Variants in PLXDC2 observed in about 807,000 individuals in gnomAD.
PLXDC2 encodes plexin domain containing 2.
PLXDC2 carries 40 observed loss-of-function variants against 68.9 expected under a neutral mutation model. The ratio of observed to expected loss-of-function variants is 0.58; its 90% CI spans 0.45 to 0.76. The LOEUF (loss-of-function observed/expected upper bound fraction) is 0.76, where lower values mean the gene tolerates loss of function less well. Among genes scored for constraint, PLXDC2 ranks in the 30% least tolerant of loss-of-function variants. The pLI, the probability that PLXDC2 is intolerant of heterozygous loss-of-function variation, is 0.00. For synonymous variants in PLXDC2, 243 were observed against 234.2 expected, an observed-to-expected ratio of 1.04 and a Z score of -0.34; for missense variants, 644 against 661.9, an observed-to-expected ratio of 0.97 and a Z score of 0.30.
chr10:20,022,100 C>A (rs182603382), intron 2 of PLXDC2, among the ~76,000 whole-genome samples: 10 of 152,332 alleles, frequency 6.6e-5, no homozygotes, highest in African/African-American at 1.2e-4. Flanking sequence ...AGCAATGATA[C>A]CTCATTTACT....
At chr10:20,100,588 G>A (rs933781522) in intron 4 of PLXDC2, among the ~76,000 whole-genome samples, 1 of 152,144 alleles carries the variant, frequency 6.6e-6, no homozygotes, top group African/African-American at 2.4e-5. Context: ...TGTCATTCCT[G>A]TTGCCCTTCT....
At chr10:20,150,422 T>C (rs2358852) in intron 6 of PLXDC2, among the ~76,000 whole-genome samples, 139,595 of 152,218 alleles carry the variant, frequency 0.92, 64,124 homozygotes, top group Non-Finnish European at 0.95. Context: ...TTAGTTCAGC[T>C]ACTGGGGAAA....
chr10:19,975,435 G>T (rs1834436530), intron 1 of PLXDC2, among the ~76,000 whole-genome samples: 2 of 152,020 alleles, frequency 1.3e-5, no homozygotes, highest in African/African-American at 4.8e-5. Flanking sequence ...TCCAGCCTGG[G>T]AGACAGAGCG....
At chr10:20,088,472 A>G (rs11011789) in intron 4 of PLXDC2, among the ~76,000 whole-genome samples, 34,579 of 152,038 alleles carry the variant, frequency 0.23, 5,273 homozygotes, top group East Asian at 0.61. Context: ...TGTAAAGCCT[A>G]TTGTTAGTAC....
At chr10:19,933,896 GAGAA>G (rs1174017583) in intron 1 of PLXDC2, among the ~76,000 whole-genome samples, 7 of 151,312 alleles carry the variant, frequency 4.6e-5, no homozygotes, top group Admixed American at 3.3e-4. Context: ...AGGAAGGAAA[GAGAA>G]AGAAAGGAAA....
chr10:20,140,431 A>ATCTATCTATCTATCTG (rs1387833289), intron 4 of PLXDC2, among the ~76,000 whole-genome samples: 1 of 149,334 alleles, frequency 6.7e-6, no homozygotes, highest in African/African-American at 2.5e-5. Flanking sequence ...CTATCTATCT[A>ATCTATCTATCTATCTG]TCTATCTATC....
chr10:20,120,540 T>C (rs11011809), intron 4 of PLXDC2, among the ~76,000 whole-genome samples: 43,001 of 151,536 alleles, frequency 0.28, 6,153 homozygotes, highest in East Asian at 0.49. Context: ...TGAGGAATTA[T>C]GTCTGACAGA....
chr10:20,147,158 C>A (rs540682135), intron 5 of PLXDC2, among the ~76,000 whole-genome samples: 222 of 152,222 alleles, frequency 1.5e-3, no homozygotes, highest in Non-Finnish European at 2.4e-3. Flanking sequence ...TAATATACAG[C>A]ACTGAAGTTT....
chr10:20,125,474 G>T (rs754684119), intron 4 of PLXDC2, among the ~76,000 whole-genome samples: 2 of 152,076 alleles, frequency 1.3e-5, no homozygotes, highest in African/African-American at 4.8e-5. Flanking sequence ...CCATCACCTT[G>T]GCGGACCAGA....
intron 1 of PLXDC2, among the ~76,000 whole-genome samples, chr10:19,958,632 C>T (rs544773589): frequency 6.6e-6 from 1 of 152,200 alleles, no homozygotes; most frequent in African/African-American, 2.4e-5. Context: ...GAGGTTGTAA[C>T]GTAGTTCAGT....
At chr10:20,119,046 T>C (rs971162440) in intron 4 of PLXDC2, among the ~76,000 whole-genome samples, 4 of 151,900 alleles carry the variant, frequency 2.6e-5, no homozygotes, top group Admixed American at 1.3e-4. Context: ...TTTAGGAGTA[T>C]GTGTCAATAA....
chr10:20,264,928 C>A (rs1245116250), intron 13 of PLXDC2, among the ~76,000 whole-genome samples: 2 of 151,468 alleles, frequency 1.3e-5, no homozygotes, highest in Non-Finnish European at 2.9e-5. Context: ...GATTATTTAC[C>A]CAAAACAACG....
intron 1 of PLXDC2, among the ~76,000 whole-genome samples, chr10:19,919,801 A>G (rs11011675): frequency 0.13 from 20,510 of 152,178 alleles, 2,113 homozygotes; most frequent in East Asian, 0.28. Context: ...TCTAGACACA[A>G]CACAACAAGG....
At chr10:20,199,508 G>A (rs927450472) in intron 9 of PLXDC2, among the ~76,000 whole-genome samples, 4 of 151,982 alleles carry the variant, frequency 2.6e-5, no homozygotes, top group South Asian at 2.1e-4. Context: ...AGTCAATAGC[G>A]TTCTATATCA....
intron 1 of PLXDC2, among the ~76,000 whole-genome samples, chr10:19,822,467 T>G (rs1438032695): frequency 6.6e-6 from 1 of 152,038 alleles, no homozygotes; most frequent in African/African-American, 2.4e-5. Context: ...GGCTCTGGTT[T>G]TATTTTCTTC....
At chr10:20,036,262 G>T (rs554467992) in intron 2 of PLXDC2, among the ~76,000 whole-genome samples, 29 of 152,116 alleles carry the variant, frequency 1.9e-4, no homozygotes, top group Non-Finnish European at 4.3e-4. Flanking sequence ...TAAGGGTGGG[G>T]CCCTAATCCC....
chr10:20,224,374 G>A (rs1835258637), intron 12 of PLXDC2, among the ~76,000 whole-genome samples: 1 of 151,960 alleles, frequency 6.6e-6, no homozygotes, highest in African/African-American at 2.4e-5. Flanking sequence ...ATTTCTTTTG[G>A]ATTTTCAAAT....
chr10:20,141,587 T>C (rs1433058357), intron 4 of PLXDC2, among the ~76,000 whole-genome samples: 1 of 152,082 alleles, frequency 6.6e-6, no homozygotes, highest in Non-Finnish European at 1.5e-5. Flanking sequence ...AGAGATGGTA[T>C]CTATAGAATT....
intron 1 of PLXDC2, among the ~76,000 whole-genome samples, chr10:19,966,802 G>T (rs965136403): frequency 2.6e-5 from 3 of 115,314 alleles, no homozygotes; most frequent in Non-Finnish European, 6.0e-5. Context: ...AACGGTTCGC[G>T]TTACCATTTT....
Sources: gnomAD v4.1 joint callset for allele counts (sites outside exome capture counted in the v4.1 genomes callset) on GRCh38, gnomAD v4.1.1 for gene constraint, MANE v1.5 for transcripts, NCBI Gene and HGNC (gene_info 2026-07-23, HGNC 2026-07-21) for gene names.